Variants in SASH1 observed in about 807,000 individuals in gnomAD.
SASH1 encodes SAM and SH3 domain containing 1.
SASH1 carries 44 observed loss-of-function variants against 125.2 expected under a neutral mutation model. The observed-to-expected ratio is 0.35, with a 90% CI of 0.28 to 0.45. The LOEUF is 0.45. SASH1 is among the 20% of genes least tolerant of loss of function. The pLI is 1.00. For synonymous variants in SASH1, 639 were observed against 649.1 expected, an observed-to-expected ratio of 0.98 and a Z score of 0.24; for missense variants, 1,426 against 1,614.5, an observed-to-expected ratio of 0.88 and a Z score of 2.00.
At chr6:148,367,306 A>G (rs892819965) in intron 1 of SASH1, among the ~76,000 whole-genome samples, 1 of 152,218 alleles carries the variant, frequency 6.6e-6, no homozygotes. Flanking sequence ...CTAAAAACTT[A>G]GGTGAGAACA....
intron 4 of SASH1, among the ~76,000 whole-genome samples, chr6:148,450,418 GC>G (rs1337927910): frequency 1.3e-5 from 2 of 151,888 alleles, no homozygotes; most frequent in African/African-American, 2.4e-5. Context: ...TTACCCAAAT[GC>G]CCCCTTGGCT....
chr6:148,407,646 G>A (rs1784429174), intron 2 of SASH1, among the ~76,000 whole-genome samples: 1 of 152,014 alleles, frequency 6.6e-6, no homozygotes, highest in Non-Finnish European at 1.5e-5. Flanking sequence ...TTTTGTTTTT[G>A]TTTTGAGATG....
intron 7 of SASH1, 72 bp downstream of exon 7, chr6:148,474,294 A>C (rs1778247051): frequency 2.3e-6 from 2 of 876,184 alleles, no homozygotes; most frequent in Non-Finnish European, 3.7e-6. Context: ...TTTGCGGCCA[A>C]CAAGGGGTAT....
At chr6:148,369,094 G>T (rs574464622) in intron 1 of SASH1, among the ~76,000 whole-genome samples, 3 of 152,324 alleles carry the variant, frequency 2.0e-5, no homozygotes, top group Admixed American at 1.3e-4. Flanking sequence ...TGGCAGAGCT[G>T]TACGTGTTGG....
At chr6:148,497,541 G>A (rs1018172800) in intron 8 of SASH1, among the ~76,000 whole-genome samples, 3 of 152,218 alleles carry the variant, frequency 2.0e-5, no homozygotes, top group South Asian at 2.1e-4. Context: ...TCTGTGGCCA[G>A]GCACTTCATC....
rs55686327 is a variant in SASH1, at chr6:148,307,024, TTTTCTTTCTTTCTTTCTTTCTTTCTTTC to T, written n.74+34693_74+34720del. On this transcript the variant is annotated intron_variant and non_coding_transcript_variant, in intron 1 of 3. Transcript: ENST00000367469. ...TCAGCACAACCTACCTTTCTCTTTCTTTTCTTTCTTTCTTTCTTTCTTTCTTTCTTTCTTTCTTTCTTTCTTTCTTTCT... is the reference window on the plus strand; with the variant it reads ...TCAGCACAACCTACCTTTCTCTTTCTTTTCTTTCTTTCTTTCTTTCTTTCT... Among the ~76,000 whole-genome samples the T allele has an allele frequency of 7.6e-3, 916 of 120,770 alleles. 7 individuals carry two copies. Among genetic ancestry groups the T allele is most frequent in the African/African-American group, 0.019 (607 of 31,784 alleles). The allele number at this position is 120,770 out of a possible 152,430, so 79.2% of individuals were successfully genotyped here. A position where few individuals can be genotyped will look rare whatever the true frequency, so the allele number is the denominator to read the frequency against.
At chr6:148,465,101 G>C (rs1226382790) in intron 4 of SASH1, among the ~76,000 whole-genome samples, 1 of 152,214 alleles carries the variant, frequency 6.6e-6, no homozygotes, top group Non-Finnish European at 1.5e-5. Flanking sequence ...TGCTAATGGT[G>C]TAGCAGTGGG....
At chr6:148,503,696 T>G (rs759729988) in intron 8 of SASH1, among the ~76,000 whole-genome samples, 4 of 151,856 alleles carry the variant, frequency 2.6e-5, no homozygotes, top group Non-Finnish European at 4.4e-5. Context: ...GAGGGAGGAT[T>G]TGGGGACACT....
At chr6:148,442,037 A>G (rs539771902) in intron 4 of SASH1, among the ~76,000 whole-genome samples, 1 of 152,350 alleles carries the variant, frequency 6.6e-6, no homozygotes, top group East Asian at 1.9e-4. Context: ...TTTCTCTGTT[A>G]ATGGCTTTTG....
At chr6:148,520,166 C>G (rs775140749) in intron 10 of SASH1, 59 of 421,086 alleles carry the variant, frequency 1.4e-4, no homozygotes, top group Admixed American at 9.3e-4. Flanking sequence ...CCTCGGTCAG[C>G]GAGTTCAATA....
intron 1 of SASH1, among the ~76,000 whole-genome samples, chr6:148,318,590 T>C (rs1780544350): frequency 1.3e-5 from 2 of 149,374 alleles, no homozygotes; most frequent in African/African-American, 4.9e-5. Flanking sequence ...TCTCTTTCTG[T>C]CGCCGAGGCT....
At chr6:148,407,201 A>G (rs1023902379) in intron 2 of SASH1, among the ~76,000 whole-genome samples, 11 of 152,154 alleles carry the variant, frequency 7.2e-5, no homozygotes, top group African/African-American at 2.7e-4. Flanking sequence ...CCGTCCTGCA[A>G]AGCTGAAACC....
At position 148,302,859 on chromosome 6, in the gene SASH1, G is replaced by C. The variant is rs150587358; in HGVS notation, n.74+30482G>C. Reference sequence around the variant, plus strand: ...ATATATATATACACACACACACACAGAGAGAAAGAAAGAGATGATGGCAAC... The same window carrying C: ...ATATATATATACACACACACACACACAGAGAAAGAAAGAGATGATGGCAAC... On this transcript the variant is annotated intron_variant and non_coding_transcript_variant, in intron 1 of 3. Coordinates refer to the SASH1 transcript ENST00000367469. Among the ~76,000 whole-genome samples, 858 of 149,754 alleles carry C rather than the reference G, an allele frequency of 5.7e-3. 7 individuals are homozygous for C. Among genetic ancestry groups the C allele is most frequent in the Middle Eastern group, 0.017 (5 of 290 alleles).
At chr6:148,410,028 T>G (rs917652694) in intron 2 of SASH1, among the ~76,000 whole-genome samples, 50 of 151,030 alleles carry the variant, frequency 3.3e-4, no homozygotes, top group African/African-American at 1.0e-3. Flanking sequence ...GATTTCTTCT[T>G]AAAATAGAAG....
intron 8 of SASH1, among the ~76,000 whole-genome samples, chr6:148,504,782 A>G (rs1477444793): frequency 6.6e-6 from 1 of 152,102 alleles, no homozygotes; most frequent in Non-Finnish European, 1.5e-5. Flanking sequence ...TGTTTTCTGA[A>G]AGTCAAGCCA....
At chr6:148,415,869 G>T (rs1269697749) in intron 2 of SASH1, among the ~76,000 whole-genome samples, 1 of 152,232 alleles carries the variant, frequency 6.6e-6, no homozygotes, top group Non-Finnish European at 1.5e-5. Flanking sequence ...ATTCCCTTTG[G>T]CAAGAGGAAG....
intron 2 of SASH1, among the ~76,000 whole-genome samples, chr6:148,429,081 G>A (rs904806611): frequency 2.0e-5 from 3 of 152,074 alleles, no homozygotes; most frequent in African/African-American, 7.2e-5. Context: ...ACAACATTCT[G>A]TTTTAAGTTC....
At chr6:148,459,433 A>C (rs1426909669) in intron 4 of SASH1, among the ~76,000 whole-genome samples, 1 of 152,214 alleles carries the variant, frequency 6.6e-6, no homozygotes, top group Non-Finnish European at 1.5e-5. Context: ...TGCTTTTCAG[A>C]TGTGAAACTC....
At position 148,342,896 on chromosome 6, in the gene SASH1, G is replaced by T. The variant is rs1468253236; in HGVS notation, c.-172G>T. ...CGTGGCCACCTAGACCCGAGGTGCG[G>T]GCGCCTGCGAAGGGCCCCCGCGGGG... On this transcript the variant is annotated 5_prime_UTR_variant, in exon 1 of 20. Transcript: ENST00000367467. 1 of 391,520 alleles carries T rather than the reference G, an allele frequency of 2.6e-6. No homozygotes were observed. The highest frequency in any genetic ancestry group is 2.2e-5 in the African/African-American group (1 of 46,056). The allele number at this position is 391,520 out of a possible 1,614,324, so 24.3% of individuals were successfully genotyped here.
Sources: gnomAD v4.1 joint callset for allele counts (sites outside exome capture counted in the v4.1 genomes callset) on GRCh38, gnomAD v4.1.1 for gene constraint, MANE v1.5 for transcripts, NCBI Gene and HGNC (gene_info 2026-07-23, HGNC 2026-07-21) for gene names.